Variants in DPP10 observed in about 807,000 individuals in gnomAD.
DPP10 encodes inactive dipeptidyl peptidase 10.
A neutral mutation model predicts 120.9 loss-of-function variants in DPP10; 33 were observed. The ratio of observed to expected loss-of-function variants is 0.27; its 90% CI spans 0.21 to 0.37. The LOEUF (loss-of-function observed/expected upper bound fraction) is 0.37, where lower values mean the gene tolerates loss of function less well. Ranked by LOEUF, DPP10 falls within the 10% of genes least tolerant of loss-of-function variation. The pLI is 1.00. For missense variants in DPP10, 816 were observed against 942.8 expected (o/e 0.87, Z 1.76); for synonymous variants, 337 against 326.1 (o/e 1.03, Z -0.36).
At chr2:114,461,794 T>G in intron 1 of DPP10, 1 of 985,340 alleles carries the variant, frequency 1.0e-6, no homozygotes, top group Non-Finnish European at 1.2e-6. Context: ...AGAGAAATAA[T>G]ATACACAAGT....
intron 1 of DPP10, among the ~76,000 whole-genome samples, chr2:114,814,985 A>C (rs1286030262): frequency 2.0e-5 from 3 of 152,130 alleles, no homozygotes; most frequent in South Asian, 4.1e-4. Context: ...ATTACAGATG[A>C]GGGAGACAGA....
At chr2:114,584,021 A>AT (rs1229656086) in intron 1 of DPP10, among the ~76,000 whole-genome samples, 1 of 152,192 alleles carries the variant, frequency 6.6e-6, no homozygotes, top group South Asian at 2.1e-4. Flanking sequence ...GTTAAGAAAT[A>AT]TTTTTTTAAA....
At chr2:115,544,694 G>T (rs75710597) in intron 5 of DPP10, among the ~76,000 whole-genome samples, 2 of 152,110 alleles carry the variant, frequency 1.3e-5, no homozygotes, top group Non-Finnish European at 2.9e-5. Flanking sequence ...TTAGACTGGT[G>T]TCACTCGCTG....
chr2:114,982,310 TCTA>T (rs1700136024), intron 1 of DPP10, among the ~76,000 whole-genome samples: 1 of 152,218 alleles, frequency 6.6e-6, no homozygotes, highest in African/African-American at 2.4e-5. Context: ...CATTTTATAT[TCTA>T]CTATTTCAAG....
chr2:115,058,256 A>G lies in DPP10; in HGVS notation c.61-250983A>G, dbSNP rs184267231. On this transcript the variant is annotated intron_variant, in intron 1 of 25. Coordinates refer to ENST00000410059, the MANE Select transcript of DPP10 (RefSeq NM_020868.6). ...ACTGCTTTATATTGAAAGCAAGGCT[A>G]GCTTTTAATCATAAAGGGACAAAAA... 2.5e-3 allele frequency among the ~76,000 whole-genome samples: 364 copies of G among 143,556 alleles called. 1 individual carries two copies. Among genetic ancestry groups the G allele is most frequent in the Non-Finnish European group, 3.7e-3 (249 of 66,474 alleles). The allele number at this position is 143,556 out of a possible 152,430, so 94.2% of individuals were successfully genotyped here.
intron 2 of DPP10, among the ~76,000 whole-genome samples, chr2:115,320,546 G>C (rs1521078): frequency 6.6e-6 from 1 of 151,770 alleles, no homozygotes; most frequent in South Asian, 2.1e-4. Flanking sequence ...TTTAAATTTA[G>C]AACAATTTAG....
intron 1 of DPP10, among the ~76,000 whole-genome samples, chr2:115,122,062 A>G (rs1378431979): frequency 6.6e-6 from 1 of 152,224 alleles, no homozygotes; most frequent in African/African-American, 2.4e-5. Context: ...AAATGAAGAC[A>G]TCCTTTCTAG....
chr2:115,033,893 C>CTTTTTTTTTTTTTTTTT (rs965717193), intron 1 of DPP10, among the ~76,000 whole-genome samples: 24 of 89,860 alleles, frequency 2.7e-4, no homozygotes, highest in African/African-American at 5.3e-4. Context: ...TTTTCTTTTT[C>CTTTTTTTTTTTTTTTTT]TTTTTTTTTT....
At chr2:114,811,636 C>T (rs969495780) in intron 1 of DPP10, among the ~76,000 whole-genome samples, 1 of 151,928 alleles carries the variant, frequency 6.6e-6, no homozygotes, top group Non-Finnish European at 1.5e-5. Flanking sequence ...ACCCTCACCC[C>T]TCATGTCACC....
intron 3 of DPP10, among the ~76,000 whole-genome samples, chr2:115,358,178 A>G (rs1341267242): frequency 6.6e-6 from 1 of 152,082 alleles, no homozygotes; most frequent in Non-Finnish European, 1.5e-5. Flanking sequence ...TTTCTTTTCT[A>G]TCATATCATC....
intron 1 of DPP10, among the ~76,000 whole-genome samples, chr2:114,474,985 C>A (rs1680255975): frequency 6.6e-6 from 1 of 152,198 alleles, no homozygotes; most frequent in South Asian, 2.1e-4. Flanking sequence ...TTCTGTGCAT[C>A]AGCTATTTGT....
At chr2:115,659,604 A>G (rs1388738926) in intron 5 of DPP10, among the ~76,000 whole-genome samples, 5 of 152,156 alleles carry the variant, frequency 3.3e-5, no homozygotes, top group Admixed American at 2.0e-4. Flanking sequence ...CCAAATGACT[A>G]TGAATTTGAT....
intron 5 of DPP10, among the ~76,000 whole-genome samples, chr2:115,609,704 A>G (rs2083960753): frequency 2.0e-5 from 3 of 152,194 alleles, no homozygotes; most frequent in Admixed American, 2.0e-4. Context: ...GAGAATAGTA[A>G]GAAAAAATTT....
intron 10 of DPP10, among the ~76,000 whole-genome samples, chr2:115,749,694 G>A (rs562619112): frequency 2.0e-5 from 3 of 152,114 alleles, no homozygotes; most frequent in African/African-American, 7.2e-5. Flanking sequence ...CTATAATTTG[G>A]TCATGAATAC....
chr2:114,611,582 T>C (rs1312150602), intron 1 of DPP10, among the ~76,000 whole-genome samples: 4 of 152,214 alleles, frequency 2.6e-5, no homozygotes, highest in Admixed American at 2.6e-4. Flanking sequence ...TTGTTTTGTG[T>C]TACATTATGA....
chr2:115,731,850 T>A (rs2092918679), intron 8 of DPP10, among the ~76,000 whole-genome samples: 1 of 152,144 alleles, frequency 6.6e-6, no homozygotes, highest in South Asian at 2.1e-4. Context: ...AATGTTAAGG[T>A]TTGGCAGAGG....
chr2:115,175,665 C>G (rs2053638845), intron 1 of DPP10, among the ~76,000 whole-genome samples: 1 of 152,174 alleles, frequency 6.6e-6, no homozygotes, highest in Admixed American at 6.5e-5. Context: ...AAGACCAGCG[C>G]TATTCAATAG....
At chr2:114,451,879 C>A (rs1033708375) in intron 1 of DPP10, among the ~76,000 whole-genome samples, 1 of 152,012 alleles carries the variant, frequency 6.6e-6, no homozygotes, top group Admixed American at 6.6e-5. Flanking sequence ...TCAGGATAAT[C>A]CAAATATAAG....
At chr2:114,961,031 G>A (rs1264265109) in intron 1 of DPP10, among the ~76,000 whole-genome samples, 2 of 111,632 alleles carry the variant, frequency 1.8e-5, no homozygotes, top group African/African-American at 3.5e-5. Flanking sequence ...ATCTCTATAC[G>A]CCTTTTTTTT....
Sources: allele counts gnomAD v4.1 joint callset (sites outside exome capture counted in the v4.1 genomes callset), GRCh38; gene constraint gnomAD v4.1.1; transcripts MANE v1.5; gene names NCBI Gene and HGNC (gene_info 2026-07-23, HGNC 2026-07-21).